POLR3B: variants seen among roughly 807,000 people sequenced by gnomAD.
POLR3B encodes RNA polymerase III subunit B.
A neutral mutation model predicts 147.4 loss-of-function variants in POLR3B; 96 were observed. The ratio of observed to expected loss-of-function variants is 0.65; its 90% CI spans 0.55 to 0.77. POLR3B has a LOEUF of 0.77. Ranked by LOEUF, POLR3B falls within the 30% of genes least tolerant of loss-of-function variation. POLR3B has a pLI of 0.00. For synonymous variants in POLR3B, 461 were observed against 485.9 expected (o/e 0.95, Z 0.67); for missense variants, 1,036 against 1,413.5 (o/e 0.73, Z 4.28).
chr12:106,366,818 C>T, intron 4 of POLR3B, 96 bp downstream of exon 4: 1 of 1,049,296 alleles, frequency 9.5e-7, no homozygotes, highest in Admixed American at 1.8e-5. Context: ...AAATCATTGT[C>T]TTGGCCAGGC....
chr12:106,424,493 T>G (rs1253422536), intron 12 of POLR3B, among the ~76,000 whole-genome samples: 1 of 152,194 alleles, frequency 6.6e-6, no homozygotes, highest in Admixed American at 6.5e-5. Flanking sequence ...AACAGTGATA[T>G]TCTAACATTT....
At chr12:106,421,199 G>A (rs1283685725) in intron 12 of POLR3B, among the ~76,000 whole-genome samples, 1 of 151,438 alleles carries the variant, frequency 6.6e-6, no homozygotes, top group Non-Finnish European at 1.5e-5. Context: ...ACTGATCAAG[G>A]ACTTTGTATT....
Position 106,366,692 on chromosome 12 carries a change from C to G in POLR3B, c.197C>G (p.Thr66Arg). The change falls in exon 4 of 28, where the codon ACA (threonine) becomes AGA (arginine). Residue 66 changes from threonine to arginine, a missense_variant. Transcript: ENST00000228347. ...KKIMKANEKVTSDADPMWYLK... is the reference protein window; with the variant it reads ...KKIMKANEKVRSDADPMWYLK... ...ATAATGAAAGCCAATGAAAAGGTTA[C>G]AAGTGACGCTGACCCTATGTGGTAC... 5 of 1,613,642 alleles carry G rather than the reference C, an allele frequency of 3.1e-6. No homozygotes were observed. The highest frequency in any genetic ancestry group is 4.2e-6 in the Non-Finnish European group (5 of 1,179,584).
chr12:106,440,280 C>G (rs1051319451), intron 18 of POLR3B, among the ~76,000 whole-genome samples: 4 of 152,186 alleles, frequency 2.6e-5, no homozygotes, highest in African/African-American at 9.6e-5. Flanking sequence ...CAATCCATCA[C>G]CTAGTCCAGG....
chr12:106,404,172 T>C (rs1375299415), intron 10 of POLR3B, among the ~76,000 whole-genome samples: 1 of 147,272 alleles, frequency 6.8e-6, no homozygotes, highest in East Asian at 2.3e-4. Flanking sequence ...CTCACTGCAA[T>C]CTCCCTTTCC....
chr12:106,430,268 T>A lies in POLR3B; in HGVS notation c.1264-5T>A. 1 of 1,611,692 alleles carries A rather than the reference T, an allele frequency of 6.2e-7. No homozygotes were observed. The highest frequency in any genetic ancestry group is 8.5e-7 in the Non-Finnish European group (1 of 1,177,886). On this transcript the variant is annotated splice_polypyrimidine_tract_variant and splice_region_variant and intron_variant, in intron 13 of 27. Coordinates refer to ENST00000228347, the MANE Select transcript of POLR3B (RefSeq NM_018082.6). ...AATAGTCTTATGTCTTTCATCTCCC[T>A]ACAGGGAAATTGGTCTTTAAAGAGA... is the stretch of plus-strand genomic sequence containing the variant.
chr12:106,391,649 T>A (rs1330329281), intron 9 of POLR3B, among the ~76,000 whole-genome samples: 1 of 152,250 alleles, frequency 6.6e-6, no homozygotes, highest in African/African-American at 2.4e-5. Context: ...TTTTCATTTA[T>A]GCAAATGAGA....
At chr12:106,481,475 G>A (rs1465476318) in intron 23 of POLR3B, among the ~76,000 whole-genome samples, 1 of 152,228 alleles carries the variant, frequency 6.6e-6, no homozygotes, top group African/African-American at 2.4e-5. Flanking sequence ...TCGTGTCTCT[G>A]TCTTCTGAGC....
At chr12:106,382,910 T>A (rs958353858) in intron 9 of POLR3B, among the ~76,000 whole-genome samples, 3 of 152,240 alleles carry the variant, frequency 2.0e-5, no homozygotes, top group African/African-American at 7.2e-5. Context: ...AAGTCCTAGA[T>A]GGCATGTTCT....
At chr12:106,477,719 G>A (rs577338311) in intron 23 of POLR3B, among the ~76,000 whole-genome samples, 2 of 151,976 alleles carry the variant, frequency 1.3e-5, no homozygotes, top group Non-Finnish European at 1.5e-5. Context: ...ACCCTGCTTC[G>A]GCTCGCGCAG....
At chr12:106,395,108 A>G (rs983949477) in intron 10 of POLR3B, among the ~76,000 whole-genome samples, 3 of 151,904 alleles carry the variant, frequency 2.0e-5, no homozygotes, top group Non-Finnish European at 4.4e-5. Flanking sequence ...GGCAGGCACC[A>G]GTGGTCTCAG....
chr12:106,365,623 G>C (rs541805374), intron 2 of POLR3B, among the ~76,000 whole-genome samples: 73 of 152,318 alleles, frequency 4.8e-4, no homozygotes, highest in Middle Eastern at 3.4e-3. Flanking sequence ...GGGAGGCCAA[G>C]ACAGGCGGAT....
At chr12:106,433,690 T>C (rs2037538562) in intron 15 of POLR3B, 29 bp from the exon 16 acceptor site, 1 of 1,594,446 alleles carries the variant, frequency 6.3e-7, no homozygotes, top group East Asian at 2.2e-5. Flanking sequence ...TTTTTATTTC[T>C]GTCTTACCTG....
At chr12:106,373,702 C>T (rs1020459594) in intron 6 of POLR3B, among the ~76,000 whole-genome samples, 17 of 151,540 alleles carry the variant, frequency 1.1e-4, no homozygotes, top group African/African-American at 7.3e-5. Flanking sequence ...TGCAGTGAGC[C>T]GAGATTGTGC....
At position 106,363,861 on chromosome 12, in the gene POLR3B, G is replaced by A. The variant is rs2036498730; in HGVS notation, c.73-9G>A. The A allele has an allele frequency of 2.5e-6, 4 of 1,603,470 alleles. No homozygotes were observed. The highest frequency in any genetic ancestry group is 3.4e-6 in the Non-Finnish European group (4 of 1,170,992). On this transcript the variant is annotated splice_polypyrimidine_tract_variant and intron_variant, in intron 1 of 27. Coordinates refer to ENST00000228347, the MANE Select transcript of POLR3B (RefSeq NM_018082.6). The stretch of plus-strand genomic sequence containing the variant: ...AGAGTTCTGATATTCTTCTTGTTTT[G>A]GCTCACAGGAAAAATGGAGGCTGCT...
intron 6 of POLR3B, among the ~76,000 whole-genome samples, chr12:106,374,988 T>A (rs762272901): frequency 7.9e-5 from 12 of 152,228 alleles, no homozygotes; most frequent in Non-Finnish European, 1.8e-4. Context: ...GAATTTTTTT[T>A]AGAAATTTAT....
Position 106,384,888 on chromosome 12 carries a change from C to T in POLR3B, c.723+4749C>T, listed in dbSNP as rs910521832. Among the ~76,000 whole-genome samples, 5 of 149,106 alleles carry T rather than the reference C, an allele frequency of 3.4e-5. No homozygotes were observed. In the South Asian group the frequency reaches 6.3e-4, roughly 19 times the overall value. ...TTTCACCCAGGCTGGAGTGGAATGG[C>T]GTGATCTCAGCTTAATGCAACTTCC... is the stretch of plus-strand genomic sequence containing the variant. On this transcript the variant is annotated intron_variant, in intron 9 of 27. Transcript: ENST00000228347.
At chr12:106,440,888 A>G (rs372132285) in intron 18 of POLR3B, among the ~76,000 whole-genome samples, 7 of 152,286 alleles carry the variant, frequency 4.6e-5, no homozygotes, top group African/African-American at 1.7e-4. Flanking sequence ...TCTCAGCGTT[A>G]CCCAATTACC....
At chr12:106,421,874 A>G (rs1207959884) in intron 12 of POLR3B, among the ~76,000 whole-genome samples, 2 of 151,710 alleles carry the variant, frequency 1.3e-5, no homozygotes, top group Non-Finnish European at 2.9e-5. Flanking sequence ...TAATTTTTGT[A>G]TTTTTAGTAG....
Sources: gnomAD v4.1 joint callset for allele counts (sites outside exome capture counted in the v4.1 genomes callset) on GRCh38, gnomAD v4.1.1 for gene constraint, MANE v1.5 for transcripts, NCBI Gene and HGNC (gene_info 2026-07-23, HGNC 2026-07-21) for gene names.